Variants in RAB3IP observed in about 807,000 individuals in gnomAD.
RAB3IP encodes RAB3A interacting protein, also known as rab-3A-interacting protein.
RAB3IP carries 36 observed loss-of-function variants against 59.1 expected under a neutral mutation model. That is an observed-to-expected ratio of 0.61 (90% confidence interval 0.47 to 0.80). The LOEUF (loss-of-function observed/expected upper bound fraction) is 0.80, where lower values mean the gene tolerates loss of function less well. Among genes scored for constraint, RAB3IP ranks in the 30% least tolerant of loss-of-function variants. RAB3IP has a pLI of 0.00. For missense variants in RAB3IP, 511 were observed against 536.0 expected, an observed-to-expected ratio of 0.95 and a Z score of 0.46; for synonymous variants, 207 against 191.2, an observed-to-expected ratio of 1.08 and a Z score of -0.68.
intron 3 of RAB3IP, among the ~76,000 whole-genome samples, chr12:69,775,851 C>G (rs1336797033): frequency 3.2e-5 from 3 of 94,870 alleles, no homozygotes; most frequent in African/African-American, 1.1e-4. Context: ...CAATGTTCAT[C>G]AAGGATATTG....
chr12:69,789,643 A>G (rs1341646498), intron 4 of RAB3IP, among the ~76,000 whole-genome samples: 1 of 152,144 alleles, frequency 6.6e-6, no homozygotes, highest in African/African-American at 2.4e-5. Flanking sequence ...GGAAAAAACT[A>G]TGGGCCAATA....
chr12:69,761,237 G>A (rs1437370827), intron 3 of RAB3IP, among the ~76,000 whole-genome samples: 1 of 152,162 alleles, frequency 6.6e-6, no homozygotes, highest in Non-Finnish European at 1.5e-5. Context: ...ATCTCTGAAA[G>A]TTTGATTTGG....
chr12:69,795,318 C>G lies in RAB3IP; in HGVS notation c.862C>G (p.Gln288Glu). 6.2e-7 allele frequency: 1 copy of G among 1,613,844 alleles called. No individual in the cohort carries two copies. The stretch of plus-strand genomic sequence containing the variant: ...CAGTCATCAGGACCTCAGTGTGATA[C>G]AGCCAATTGTAAAAGACTGCAAAGA... ...SGSHQDLSVI[Q>E]PIVKDCKEAD... The change falls in exon 6 of 11, where the codon CAG becomes GAG. Residue 288 changes from glutamine (Q) to glutamate (E), a missense_variant. Physicochemically the swap from Gln to Glu is conservative, Grantham distance 29. Transcript: ENST00000247833.
chr12:69,790,365 AAGAC>A (rs1400220908), intron 4 of RAB3IP, among the ~76,000 whole-genome samples: 2 of 152,198 alleles, frequency 1.3e-5, no homozygotes, highest in Admixed American at 6.5e-5. Context: ...AAGAGGCAAA[AAGAC>A]TTGTATACTG....
intron 3 of RAB3IP, among the ~76,000 whole-genome samples, chr12:69,758,551 C>CA (rs1322275681): frequency 6.6e-6 from 1 of 152,202 alleles, no homozygotes; most frequent in East Asian, 1.9e-4. Context: ...ACAAACCTTA[C>CA]AAAAGTATAC....
intron 8 of RAB3IP, among the ~76,000 whole-genome samples, chr12:69,804,557 T>C: frequency 6.6e-6 from 1 of 152,272 alleles, no homozygotes; most frequent in South Asian, 2.1e-4. Context: ...GTTTTAGACA[T>C]GAAGTCCTTG....
chr12:69,788,917 G>T (rs1427166894), intron 4 of RAB3IP, among the ~76,000 whole-genome samples: 1 of 151,866 alleles, frequency 6.6e-6, no homozygotes, highest in Non-Finnish European at 1.5e-5. Flanking sequence ...TCAAATGTGT[G>T]GAAACTAAAC....
intron 3 of RAB3IP, among the ~76,000 whole-genome samples, chr12:69,772,066 A>T (rs566600998): frequency 6.6e-6 from 1 of 152,190 alleles, no homozygotes; most frequent in South Asian, 2.1e-4. Flanking sequence ...ATTGTATGAC[A>T]GTCTATCCTT....
In RAB3IP at chr12:69,782,693, A is replaced by G. The variant is rs150498396; in HGVS notation, c.511-2027A>G. ...GTCATTTGCAAATATTTTTTTCCCA[A>G]TTTGTGTCTTGTCTTCTCATTCTCT... On this transcript the variant is annotated intron_variant, in intron 3 of 10. Coordinates refer to ENST00000247833, the MANE Select transcript of RAB3IP (RefSeq NM_022456.5). Among the ~76,000 whole-genome samples, 63 of 152,070 alleles carry G rather than the reference A, an allele frequency of 4.1e-4. 1 individual carries two copies. Among genetic ancestry groups the G allele is most frequent in the African/African-American group, 1.4e-3 (59 of 41,466 alleles).
At chr12:69,786,016 G>GAT (rs1565904242) in intron 4 of RAB3IP, among the ~76,000 whole-genome samples, 1 of 151,996 alleles carries the variant, frequency 6.6e-6, no homozygotes, top group Non-Finnish European at 1.5e-5. Context: ...ATCATTTAAC[G>GAT]ATATATATAT....
rs766110335 is a variant in RAB3IP at position 69,756,457 on chromosome 12, T to C, written c.304T>C (p.Leu102=). The C allele has an allele frequency of 1.2e-6, 2 of 1,614,072 alleles. No individual in the cohort carries two copies. The highest frequency in any genetic ancestry group is 1.7e-6 in the Non-Finnish European group (2 of 1,179,974). Residue 102 remains leucine (L), a synonymous_variant, in exon 3 of 11, where the codon TTA becomes CTA. Coordinates refer to ENST00000247833, the MANE Select transcript of RAB3IP (RefSeq NM_022456.5). The part of the protein sequence containing the change: ...PCSTSGVTAG[L]TKLTTRKDNY... ...CTCTACCTCTGGAGTCACAGCTGGA[T>C]TAACTAAATTAACTACAAGAAAGGA...
Position 69,813,122 on chromosome 12 carries a change from A to T in RAB3IP, c.1300+89A>T, listed in dbSNP as rs1395456999. ...TCAACAAAAAGTATAGAATAGTAGT[A>T]ATGCTCATATCAGCTTTATTGTTGG... On this transcript the variant is annotated intron_variant, in intron 10 of 10. Transcript: ENST00000247833. The T allele has an allele frequency of 7.3e-6, 6 of 819,190 alleles. No homozygotes were observed. The East Asian group carries it at 1.7e-4, about 23-fold the overall frequency. The allele number at this position is 819,190 out of a possible 1,614,324, so 50.7% of individuals were successfully genotyped here.
intron 3 of RAB3IP, among the ~76,000 whole-genome samples, chr12:69,761,898 C>T: frequency 6.6e-6 from 1 of 152,082 alleles, no homozygotes; most frequent in East Asian, 1.9e-4. Flanking sequence ...AGATCTGTTT[C>T]TCTTCTGTTT....
At chr12:69,760,038 G>A (rs1177441468) in intron 3 of RAB3IP, among the ~76,000 whole-genome samples, 4 of 152,206 alleles carry the variant, frequency 2.6e-5, no homozygotes, top group Non-Finnish European at 4.4e-5. Flanking sequence ...CGGCTGGGAG[G>A]TGGAGGTTGT....
intron 1 of RAB3IP, 144 bp downstream of exon 1, chr12:69,739,175 G>A (rs1281538950): frequency 2.0e-5 from 3 of 152,154 alleles, no homozygotes; most frequent in Non-Finnish European, 2.9e-5. Flanking sequence ...CGGCACGCGG[G>A]GGTTCGGGGG....
intron 3 of RAB3IP, among the ~76,000 whole-genome samples, chr12:69,771,946 G>A (rs1473331971): frequency 6.6e-6 from 1 of 152,122 alleles, no homozygotes; most frequent in Non-Finnish European, 1.5e-5. Flanking sequence ...TGTCTTCTGA[G>A]AAATGTTTAT....
intron 1 of RAB3IP, among the ~76,000 whole-genome samples, chr12:69,753,200 G>C (rs1432712245): frequency 6.6e-6 from 1 of 152,172 alleles, no homozygotes; most frequent in African/African-American, 2.4e-5. Flanking sequence ...TACTGAGTCA[G>C]ATCTCTTTCA....
chr12:69,761,386 GA>G (rs1358448238), intron 3 of RAB3IP, among the ~76,000 whole-genome samples: 9 of 152,080 alleles, frequency 5.9e-5, no homozygotes, highest in Non-Finnish European at 1.3e-4. Context: ...ATTTCTAGGG[GA>G]TCACTGTCTT....
At chr12:69,800,398 A>G (rs2136244894) in intron 7 of RAB3IP, 61 bp downstream of exon 7, 2 of 1,006,646 alleles carry the variant, frequency 2.0e-6, no homozygotes, top group Non-Finnish European at 2.8e-6. Context: ...CTTTTAAACT[A>G]AATCATATTA....
Sources: gnomAD v4.1 joint callset for allele counts (sites outside exome capture counted in the v4.1 genomes callset) on GRCh38, gnomAD v4.1.1 for gene constraint, MANE v1.5 for transcripts, NCBI Gene and HGNC (gene_info 2026-07-23, HGNC 2026-07-21) for gene names.